Variants in MAP1B observed in about 807,000 individuals in gnomAD.
MAP1B encodes microtubule-associated protein 1B.
MAP1B carries 12 observed loss-of-function variants against 176.1 expected under a neutral mutation model. The ratio of observed to expected loss-of-function variants is 0.07; its 90% CI spans 0.04 to 0.11. The LOEUF is 0.11. Ranked by LOEUF, MAP1B falls within the 10% of genes least tolerant of loss-of-function variation. The probability of loss-of-function intolerance (pLI) is 1.00; values close to 1 mark genes in which losing one functional copy is unlikely to be tolerated. For missense variants in MAP1B, 2,523 were observed against 2,990.5 expected (o/e 0.84, Z 3.65); for synonymous variants, 1,044 against 1,135.0 (o/e 0.92, Z 1.61).
At chr5:72,164,085 T>G (rs945032890) in intron 2 of MAP1B, among the ~76,000 whole-genome samples, 2 of 151,700 alleles carry the variant, frequency 1.3e-5, no homozygotes, top group South Asian at 4.2e-4. Flanking sequence ...ACTTGGGACA[T>G]GTACCACCAC....
In MAP1B at chr5:72,207,043, AAT is replaced by A. The variant is rs1747468456; in HGVS notation, c.*1806_*1807del. 1 of 152,220 alleles carries A rather than the reference AAT, an allele frequency of 6.6e-6. No individual in the cohort carries two copies. Among genetic ancestry groups the A allele is most frequent in the African/African-American group, 2.4e-5 (1 of 41,468 alleles). The allele number at this position is 152,220 out of a possible 1,614,324, so 9.4% of individuals were successfully genotyped here. ...TTTTCTGGAAAAAAAAAATAAAAGA[AAT>A]AGTACATTGAAAACAAATGAATTCT... On this transcript the variant is annotated 3_prime_UTR_variant, in exon 7 of 7. Transcript: ENST00000296755.
chr5:72,189,103 A>G (rs1746971383), intron 4 of MAP1B, among the ~76,000 whole-genome samples: 1 of 152,218 alleles, frequency 6.6e-6, no homozygotes, highest in South Asian at 2.1e-4. Flanking sequence ...CCAAAACCAC[A>G]ATTTGGGACA....
chr5:72,120,258 T>A (rs1579981822), intron 2 of MAP1B, among the ~76,000 whole-genome samples: 1 of 152,196 alleles, frequency 6.6e-6, no homozygotes, highest in African/African-American at 2.4e-5. Context: ...TGACTCCTCA[T>A]CAGCAGCCTA....
intron 2 of MAP1B, among the ~76,000 whole-genome samples, chr5:72,133,764 G>A (rs6883443): frequency 0.022 from 3,418 of 152,216 alleles, 90 homozygotes; most frequent in African/African-American, 0.066. Flanking sequence ...AAGAAATGTT[G>A]GTAAAGCAGG....
At chr5:72,136,637 G>A (rs1228148263) in intron 2 of MAP1B, among the ~76,000 whole-genome samples, 3 of 152,110 alleles carry the variant, frequency 2.0e-5, no homozygotes, top group African/African-American at 7.2e-5. Context: ...GTCAGATCCT[G>A]CCCCAAGTCA....
chr5:72,129,455 G>A (rs1745688477), intron 2 of MAP1B, among the ~76,000 whole-genome samples: 1 of 152,052 alleles, frequency 6.6e-6, no homozygotes, highest in African/African-American at 2.4e-5. Context: ...TACTCGGGAG[G>A]CTGAGGCAGG....
intron 2 of MAP1B, among the ~76,000 whole-genome samples, chr5:72,161,151 G>A (rs1408243063): frequency 6.6e-6 from 1 of 152,134 alleles, no homozygotes; most frequent in Non-Finnish European, 1.5e-5. Context: ...TGACTCAGTG[G>A]TACTCAGGGG....
chr5:72,161,956 C>CAAAAA (rs4043357), intron 2 of MAP1B, among the ~76,000 whole-genome samples: 51 of 84,888 alleles, frequency 6.0e-4, no homozygotes, highest in African/African-American at 7.1e-4. Context: ...AATTCCGTCT[C>CAAAAA]AAAAAAAAAA....
intron 2 of MAP1B, among the ~76,000 whole-genome samples, chr5:72,126,181 G>A (rs10474585): frequency 0.46 from 69,249 of 151,978 alleles, 16,374 homozygotes; most frequent in African/African-American, 0.57. Context: ...TTCCCCCTCC[G>A]GAGAGACCAG....
intron 2 of MAP1B, among the ~76,000 whole-genome samples, chr5:72,138,659 A>C (rs1745881682): frequency 6.6e-6 from 1 of 152,266 alleles, no homozygotes; most frequent in Non-Finnish European, 1.5e-5. Flanking sequence ...AGTAATGATT[A>C]ATCAATAGAA....
intron 2 of MAP1B, among the ~76,000 whole-genome samples, chr5:72,141,011 TACCC>T (rs1745939012): frequency 6.6e-6 from 1 of 152,208 alleles, no homozygotes; most frequent in Non-Finnish European, 1.5e-5. Flanking sequence ...TGCCCATGGA[TACCC>T]ACCAGCCTCC....
intron 2 of MAP1B, among the ~76,000 whole-genome samples, chr5:72,134,309 AT>A: frequency 6.6e-6 from 1 of 152,304 alleles, no homozygotes; most frequent in Non-Finnish European, 1.5e-5. Context: ...CCCTCACTGC[AT>A]TAGTGGGTTC....
At chr5:72,118,880 GT>G (rs1169844755) in intron 2 of MAP1B, among the ~76,000 whole-genome samples, 1 of 152,184 alleles carries the variant, frequency 6.6e-6, no homozygotes, top group Non-Finnish European at 1.5e-5. Flanking sequence ...AGCTTTTGTT[GT>G]TTTTTAATAA....
intron 2 of MAP1B, among the ~76,000 whole-genome samples, chr5:72,171,637 T>G (rs1746544895): frequency 6.6e-6 from 1 of 152,110 alleles, no homozygotes; most frequent in Non-Finnish European, 1.5e-5. Context: ...TGGGATTCAA[T>G]CAAACCCAAA....
Position 72,177,905 on chromosome 5 carries a change from C to T in MAP1B, c.287-5838C>T, listed in dbSNP as rs536323730. ...TTGAGTTGAATAACTCTGACTCTAT[C>T]ATTTTCTCTTCCTTCCCTTCCTCCC... On this transcript the variant is annotated intron_variant, in intron 2 of 6. Transcript: ENST00000296755. Among the ~76,000 whole-genome samples the T allele has an allele frequency of 8.5e-5, 13 of 152,290 alleles. No homozygotes were observed. In the South Asian group the frequency reaches 2.7e-3, roughly 32 times the overall value.
At chr5:72,160,926 G>C (rs1320181239) in intron 2 of MAP1B, among the ~76,000 whole-genome samples, 1 of 152,220 alleles carries the variant, frequency 6.6e-6, no homozygotes, top group Non-Finnish European at 1.5e-5. Context: ...GGCCCAGAGA[G>C]AGCTGGGGAT....
chr5:72,118,583 A>G (rs944917064), intron 2 of MAP1B, among the ~76,000 whole-genome samples: 3 of 151,712 alleles, frequency 2.0e-5, no homozygotes, highest in Non-Finnish European at 4.4e-5. Flanking sequence ...CCTGCATCAA[A>G]TCCAGGCTTC....
At chr5:72,187,186 T>G (rs560083971) in intron 4 of MAP1B, among the ~76,000 whole-genome samples, 1 of 152,320 alleles carries the variant, frequency 6.6e-6, no homozygotes, top group African/African-American at 2.4e-5. Context: ...GTGTTTGAAC[T>G]TGGGCTGTTT....
intron 2 of MAP1B, among the ~76,000 whole-genome samples, chr5:72,136,722 C>T (rs1745843088): frequency 6.6e-6 from 1 of 152,066 alleles, no homozygotes. Context: ...AGGGTGTGTC[C>T]TTGAGTTGTT....
Sources: allele counts gnomAD v4.1 joint callset (sites outside exome capture counted in the v4.1 genomes callset), GRCh38; gene constraint gnomAD v4.1.1; transcripts MANE v1.5; gene names NCBI Gene and HGNC (gene_info 2026-07-23, HGNC 2026-07-21).